The following COL4A5 variants were observed in gnomAD, a reference collection of about 807,000 sequenced individuals.
The protein encoded by COL4A5 is collagen alpha-5(IV) chain.
COL4A5 carries 26 observed loss-of-function variants against 130.2 expected under a neutral mutation model. The observed-to-expected ratio is 0.20, with a 90% CI of 0.15 to 0.28. COL4A5 has a LOEUF of 0.28. Among genes scored for constraint, COL4A5 ranks in the 10% least tolerant of loss-of-function variants. The pLI is 1.00. For missense variants in COL4A5, 1,131 were observed against 1,344.3 expected (o/e 0.84, Z 2.48); for synonymous variants, 496 against 439.6 (o/e 1.13, Z -1.60).
At chrX:108,563,978 G>C (rs1200702219) in intron 4 of COL4A5, 52 bp downstream of exon 4, 2 of 1,013,866 alleles carry the variant, frequency 2.0e-6, no homozygotes, top group Non-Finnish European at 2.8e-6. Flanking sequence ...AACAGATAGA[G>C]AACAAATGAA....
Position 108,581,086 on chromosome X carries a change from C to T in COL4A5, c.936+59C>T, listed in dbSNP as rs541116300. The stretch of plus-strand genomic sequence containing the variant: ...TGGAGACATTTATGTGTTGGTATAA[C>T]ATAAGGTGGCAGAGAAGCAGTATGA... On this transcript the variant is annotated intron_variant, in intron 16 of 52. Transcript: ENST00000328300. 752 of 1,009,916 alleles carry T rather than the reference C, an allele frequency of 7.4e-4. 3 individuals are homozygous for T. The Middle Eastern group carries it at 0.011, about 15-fold the overall frequency. 83.2% of individuals were successfully genotyped at this position (1,009,916 alleles called of 1,213,427 possible). A position where few individuals can be genotyped will look rare whatever the true frequency, so the allele number is the denominator to read the frequency against.
At chrX:108,625,079 G>GA (rs748998140) in intron 34 of COL4A5, among the ~76,000 whole-genome samples, 3 of 110,905 alleles carry the variant, frequency 2.7e-5, no homozygotes, top group African/African-American at 9.8e-5. Context: ...CATTGTAAAG[G>GA]AAAAAAATAA....
chrX:108,539,718 AT>A, intron 1 of COL4A5, 27 bp from the exon 2 acceptor site: 1 of 1,182,745 alleles, frequency 8.5e-7, no homozygotes, highest in Non-Finnish European at 1.1e-6. Context: ...ATATTTAATG[AT>A]TTTTTCCCTC....
chrX:108,638,577 G>A (rs1712576348), intron 36 of COL4A5, among the ~76,000 whole-genome samples: 1 of 111,224 alleles, frequency 9.0e-6, no homozygotes, highest in Non-Finnish European at 1.9e-5. Context: ...AGACCAATTA[G>A]GCAAGAAAAA....
At chrX:108,478,754 C>T (rs745493558) in intron 1 of COL4A5, among the ~76,000 whole-genome samples, 1 of 111,748 alleles carries the variant, frequency 8.9e-6, no homozygotes, top group South Asian at 3.8e-4. Flanking sequence ...TAAGGCATTT[C>T]GTGAGTCCAA....
At chrX:108,538,157 T>C (rs1389656163) in intron 1 of COL4A5, among the ~76,000 whole-genome samples, 1 of 111,573 alleles carries the variant, frequency 9.0e-6, no homozygotes, top group Non-Finnish European at 1.9e-5. Flanking sequence ...TTACACATGT[T>C]GGAGGGAGCT....
intron 1 of COL4A5, among the ~76,000 whole-genome samples, chrX:108,501,803 A>C (rs999944215): frequency 2.3e-4 from 26 of 111,963 alleles, no homozygotes; most frequent in Admixed American, 2.2e-3. Context: ...GGCAGTTTGA[A>C]AATGTATGGA....
intron 1 of COL4A5, among the ~76,000 whole-genome samples, chrX:108,511,611 G>T (rs1193563450): frequency 8.9e-6 from 1 of 111,752 alleles, no homozygotes; most frequent in African/African-American, 3.3e-5. Context: ...CATAAGGATA[G>T]ACATAAATCA....
At chrX:108,516,853 G>A (rs1029347333) in intron 1 of COL4A5, among the ~76,000 whole-genome samples, 9 of 111,458 alleles carry the variant, frequency 8.1e-5, no homozygotes, top group African/African-American at 2.9e-4. Context: ...AGTAATGGAA[G>A]GAATGTGGCA....
intron 1 of COL4A5, among the ~76,000 whole-genome samples, chrX:108,454,151 A>G (rs1182250449): frequency 8.9e-6 from 1 of 112,633 alleles, no homozygotes; most frequent in Non-Finnish European, 1.9e-5. Flanking sequence ...GGGAAGGAGT[A>G]GATTTATCCG....
intron 25 of COL4A5, among the ~76,000 whole-genome samples, chrX:108,599,842 A>T (rs2066595400): frequency 8.9e-6 from 1 of 112,352 alleles, no homozygotes; most frequent in Non-Finnish European, 1.9e-5. Flanking sequence ...GGTCCTTTAC[A>T]CAAAAGGCTT....
At chrX:108,465,161 G>A (rs2064693651) in intron 1 of COL4A5, among the ~76,000 whole-genome samples, 1 of 111,843 alleles carries the variant, frequency 8.9e-6, no homozygotes, top group Middle Eastern at 4.6e-3. Context: ...TTGGGTGAGT[G>A]CAAAGGAATA....
intron 1 of COL4A5, among the ~76,000 whole-genome samples, chrX:108,478,794 G>A (rs2064861400): frequency 8.9e-6 from 1 of 112,158 alleles, no homozygotes; most frequent in Non-Finnish European, 1.9e-5. Flanking sequence ...AGCATTGCGT[G>A]CAGGATAGGA....
intron 36 of COL4A5, among the ~76,000 whole-genome samples, chrX:108,648,435 A>G (rs1052120071): frequency 7.2e-5 from 8 of 111,069 alleles, no homozygotes; most frequent in African/African-American, 2.6e-4. Context: ...ACCGAGACCA[A>G]AAAAGAAAAC....
intron 3 of COL4A5, among the ~76,000 whole-genome samples, chrX:108,561,387 G>A (rs2065896423): frequency 9.0e-6 from 1 of 111,273 alleles, no homozygotes; most frequent in Non-Finnish European, 1.9e-5. Flanking sequence ...CAGTTGTGGG[G>A]ACTCTGTCTT....
chrX:108,651,958 T>C (rs183309796), intron 36 of COL4A5, among the ~76,000 whole-genome samples: 18 of 112,035 alleles, frequency 1.6e-4, no homozygotes, highest in Non-Finnish European at 3.2e-4. Flanking sequence ...GGTTGCTCAA[T>C]GGATATAAAG....
intron 37 of COL4A5, among the ~76,000 whole-genome samples, chrX:108,655,862 C>T (rs1436722017): frequency 1.8e-5 from 2 of 112,625 alleles, no homozygotes; most frequent in Admixed American, 9.4e-5. Context: ...TCATACAGTT[C>T]CTTCAAATGG....
chrX:108,629,775 T>C (rs1335993016), intron 36 of COL4A5, among the ~76,000 whole-genome samples: 1 of 111,244 alleles, frequency 9.0e-6, no homozygotes, highest in Non-Finnish European at 1.9e-5. Context: ...TAACTCATCA[T>C]TTACATTAGG....
chrX:108,625,764 A>C lies in COL4A5; in HGVS notation c.3076A>C (p.Lys1026Gln). The C allele has an allele frequency of 8.3e-7, 1 of 1,206,514 alleles. No homozygotes were observed. The highest frequency in any genetic ancestry group is 1.1e-6 in the Non-Finnish European group (1 of 890,805). ...QPGLIGPPGL[K>Q]GTIGDMGFPG... ...AGGTCTTATAGGACCTCCTGGACTT[A>C]AAGGAACCATCGGTGATATGGGTTT... The change falls in exon 35 of 53, where the codon AAA becomes CAA. Residue 1026 changes from lysine (K) to glutamine (Q), a missense_variant. Lys to Gln is a moderately conservative substitution (Grantham distance 53). Transcript: ENST00000328300.
Sources: allele counts gnomAD v4.1 joint callset (sites outside exome capture counted in the v4.1 genomes callset), GRCh38; gene constraint gnomAD v4.1.1; transcripts MANE v1.5; gene names NCBI Gene and HGNC (gene_info 2026-07-23, HGNC 2026-07-21).